The following SPMIP2 variants were observed in gnomAD, a reference collection of about 807,000 sequenced individuals.
The protein encoded by SPMIP2 is sperm microtubule inner protein 2, also known as protein SPMIP2.
chr4:158,991,960 T>C, the SPMIP2 span, among the ~76,000 whole-genome samples: 1 of 152,210 alleles, frequency 6.6e-6, no homozygotes, highest in Non-Finnish European at 1.5e-5. Context: ...GATGCAATCC[T>C]AGCTCACTGC....
the SPMIP2 span, among the ~76,000 whole-genome samples, chr4:159,077,222 C>A: frequency 6.6e-6 from 1 of 152,026 alleles, no homozygotes; most frequent in South Asian, 2.1e-4. Flanking sequence ...CTCACCACAA[C>A]CACAATCTCC....
the SPMIP2 span, among the ~76,000 whole-genome samples, chr4:158,949,563 TG>T: frequency 6.6e-6 from 1 of 151,952 alleles, no homozygotes; most frequent in African/African-American, 2.4e-5. Flanking sequence ...TTGTACTTCA[TG>T]TGCTTCATGA....
chr4:158,924,127 A>T, the SPMIP2 span, among the ~76,000 whole-genome samples: 1 of 152,198 alleles, frequency 6.6e-6, no homozygotes, highest in Admixed American at 6.5e-5. Context: ...GAGTGGCCTT[A>T]CCAGGAACCA....
At chr4:158,993,030 CTG>C in the SPMIP2 span, among the ~76,000 whole-genome samples, 18 of 151,396 alleles carry the variant, frequency 1.2e-4, no homozygotes, top group African/African-American at 3.4e-4. Context: ...ATGTGTGTTT[CTG>C]TGTGTGTGTG....
the SPMIP2 span, among the ~76,000 whole-genome samples, chr4:159,025,709 A>T: frequency 7.2e-5 from 11 of 152,306 alleles, no homozygotes; most frequent in African/African-American, 2.6e-4. Context: ...AAGAGAAAAA[A>T]ACAGTTTAAA....
the SPMIP2 span, among the ~76,000 whole-genome samples, chr4:159,019,749 C>CAAA: frequency 6.6e-6 from 1 of 152,110 alleles, no homozygotes; most frequent in Non-Finnish European, 1.5e-5. Flanking sequence ...CAAGGTTTTG[C>CAAA]TGACCTGGAC....
chr4:158,984,837 T>TC, the SPMIP2 span, among the ~76,000 whole-genome samples: 1 of 151,314 alleles, frequency 6.6e-6, no homozygotes, highest in African/African-American at 2.4e-5. Flanking sequence ...AATTAATGAA[T>TC]CCAGAAGCTG....
the SPMIP2 span, among the ~76,000 whole-genome samples, chr4:158,910,936 C>T: frequency 6.6e-6 from 1 of 152,160 alleles, no homozygotes; most frequent in East Asian, 1.9e-4. Flanking sequence ...CTGACTGATA[C>T]AGATACTTAG....
the SPMIP2 span, among the ~76,000 whole-genome samples, chr4:158,992,114 C>T: frequency 6.6e-6 from 1 of 152,222 alleles, no homozygotes; most frequent in Admixed American, 6.5e-5. Context: ...TCTCAAACTC[C>T]TGGCCTCAAG....
chr4:159,049,333 C>T, the SPMIP2 span, among the ~76,000 whole-genome samples: 1 of 152,136 alleles, frequency 6.6e-6, no homozygotes, highest in African/African-American at 2.4e-5. Flanking sequence ...CTAAAAGCAC[C>T]ACAATAGCTT....
chr4:158,986,689 C>T, the SPMIP2 span, among the ~76,000 whole-genome samples: 1 of 152,140 alleles, frequency 6.6e-6, no homozygotes, highest in African/African-American at 2.4e-5. Context: ...TAGAAGAAAA[C>T]CTAGGCATTA....
the SPMIP2 span, among the ~76,000 whole-genome samples, chr4:158,977,600 C>CTTTTTTTTTTTTTTTTT: frequency 5.7e-4 from 41 of 72,386 alleles, 7 homozygotes; most frequent in East Asian, 9.7e-4. Context: ...TCCTTCAGTT[C>CTTTTTTTTTTTTTTTTT]TTTTTTTTTT....
At chr4:159,074,847 A>G in the SPMIP2 span, among the ~76,000 whole-genome samples, 1 of 152,160 alleles carries the variant, frequency 6.6e-6, no homozygotes, top group African/African-American at 2.4e-5. Context: ...GGACACTCAC[A>G]TTAGGGATTT....
At chr4:158,958,266 C>T in the SPMIP2 span, among the ~76,000 whole-genome samples, 9 of 152,252 alleles carry the variant, frequency 5.9e-5, no homozygotes, top group East Asian at 5.8e-4. Flanking sequence ...TCCTGAATAG[C>T]GGAGACAGGC....
At chr4:158,973,311 C>T in the SPMIP2 span, 10 of 1,583,128 alleles carry the variant, frequency 6.3e-6, no homozygotes, top group African/African-American at 1.4e-5. Flanking sequence ...GTAGTCTGGA[C>T]CTTTAAAAGA....
At chr4:158,964,615 C>A in the SPMIP2 span, among the ~76,000 whole-genome samples, 15 of 145,394 alleles carry the variant, frequency 1.0e-4, no homozygotes, top group African/African-American at 3.5e-4. Context: ...ATAAAAAATT[C>A]TTTGACTGGC....
At chr4:158,965,206 T>A in the SPMIP2 span, among the ~76,000 whole-genome samples, 2 of 151,858 alleles carry the variant, frequency 1.3e-5, no homozygotes, top group African/African-American at 4.8e-5. Flanking sequence ...TCCAAGGAGA[T>A]AAATATTTTC....
chr4:159,034,592 T>A, the SPMIP2 span, among the ~76,000 whole-genome samples: 1 of 152,296 alleles, frequency 6.6e-6, no homozygotes, highest in Non-Finnish European at 1.5e-5. Context: ...CAGTATCATG[T>A]AAATTAAATG....
chr4:158,964,959 T>C, the SPMIP2 span, among the ~76,000 whole-genome samples: 1 of 152,154 alleles, frequency 6.6e-6, no homozygotes, highest in Non-Finnish European at 1.5e-5. Context: ...TTTCCTTGAC[T>C]GATGGGGATT....
Sources: gnomAD v4.1 joint callset for allele counts (sites outside exome capture counted in the v4.1 genomes callset) on GRCh38, gnomAD v4.1.1 for gene constraint, MANE v1.5 for transcripts, NCBI Gene and HGNC (gene_info 2026-07-23, HGNC 2026-07-21) for gene names.